The following KCNQ1 variants were observed in gnomAD, a reference collection of about 807,000 sequenced individuals.
KCNQ1 encodes potassium voltage-gated channel subfamily Q member 1.
Under a neutral mutation model 72.4 loss-of-function variants are expected in KCNQ1, and 49 were observed. The ratio of observed to expected loss-of-function variants is 0.68; its 90% CI spans 0.54 to 0.86. The LOEUF (loss-of-function observed/expected upper bound fraction) is 0.86, where lower values mean the gene tolerates loss of function less well. Ranked by LOEUF, KCNQ1 falls within the 40% of genes least tolerant of loss-of-function variation. The pLI, the probability that KCNQ1 is intolerant of heterozygous loss-of-function variation, is 0.00. For missense variants in KCNQ1, 790 were observed against 945.1 expected (o/e 0.84, Z 2.15); for synonymous variants, 450 against 412.6 (o/e 1.09, Z -1.10).
rs1846347847 is a variant in KCNQ1 at position 2,759,099 on chromosome 11, C to A, written c.1515-9745C>A. Among the ~76,000 whole-genome samples the A allele has an allele frequency of 1.6e-5, 2 of 128,172 alleles. No homozygotes were observed. The highest frequency in any genetic ancestry group is 3.2e-5 in the Non-Finnish European group (2 of 62,544). 84.1% of individuals were successfully genotyped at this position (128,172 alleles called of 152,430 possible). A position where few individuals can be genotyped will look rare whatever the true frequency, so the allele number is the denominator to read the frequency against. On this transcript the variant is annotated intron_variant, in intron 11 of 15. Coordinates refer to ENST00000155840, the MANE Select transcript of KCNQ1 (RefSeq NM_000218.3). This position sits in a 1 kb window ranked among gnomAD's most constrained non-coding sequence, Gnocchi z 4.4. ...GAACTCACGTAGAGGGCATACAGGA[C>A]CTCTTGGTACTTTTTTTTTTTTTCC...
intron 6 of KCNQ1, among the ~76,000 whole-genome samples, chr11:2,574,796 G>T (rs1015936335): frequency 6.6e-6 from 1 of 152,238 alleles, no homozygotes; most frequent in Non-Finnish European, 1.5e-5. Context: ...GCAGGGGCAT[G>T]CTGACACAGC....
At chr11:2,465,869 G>C (rs912403869) in intron 1 of KCNQ1, among the ~76,000 whole-genome samples, 2 of 152,234 alleles carry the variant, frequency 1.3e-5, no homozygotes, top group African/African-American at 2.4e-5. Context: ...TTTGGAGCCT[G>C]GCTGGCAGGC....
At position 2,606,892 on chromosome 11, in the gene KCNQ1, A is replaced by ATTTT. The variant is rs869121696; in HGVS notation, c.1393+18063_1393+18066dup. ...ACTGTTAAGTATGATATTATCTGTG[A>ATTTT]TTTTTTTTTTTTTTTTTTTTTTTTT... On this transcript the variant is annotated intron_variant, in intron 10 of 15. Transcript: ENST00000155840. Among the ~76,000 whole-genome samples, 26 of 82,766 alleles carry ATTTT rather than the reference A, an allele frequency of 3.1e-4. 2 individuals carry two copies. The highest frequency in any genetic ancestry group is 1.1e-3 in the African/African-American group (21 of 18,948). The allele number at this position is 82,766 out of a possible 152,430, so 54.3% of individuals were successfully genotyped here. A position where few individuals can be genotyped will look rare whatever the true frequency, so the allele number is the denominator to read the frequency against.
chr11:2,625,859 G>C (rs149306964), intron 10 of KCNQ1: 2 of 398,514 alleles, frequency 5.0e-6, no homozygotes, highest in Admixed American at 4.4e-5. Flanking sequence ...GTGAGCCACC[G>C]TGCCTGGCCC....
chr11:2,787,988 G>A lies in KCNQ1; in HGVS notation c.1794+9951G>A, dbSNP rs187787024. 2.0e-4 allele frequency among the ~76,000 whole-genome samples: 31 copies of A among 152,286 alleles called. No individual in the cohort carries two copies. In the East Asian group the frequency reaches 4.8e-3, roughly 24 times the overall value. On this transcript the variant is annotated intron_variant, in intron 15 of 15. Transcript: ENST00000155840. This position sits in a 1 kb window ranked among gnomAD's most constrained non-coding sequence, Gnocchi z 6.3. ...AGCGCTGCTTTGGACGGGCATGGCC[G>A]TGCGCGCGTGTGGGGAGGTGAGTGT...
Position 2,704,246 on chromosome 11 carries a change from C to T in KCNQ1, c.1514+42165C>T, listed in dbSNP as rs1183350565. Among the ~76,000 whole-genome samples, 1 of 152,236 alleles carries T rather than the reference C, an allele frequency of 6.6e-6. No individual in the cohort carries two copies. The highest frequency in any genetic ancestry group is 2.1e-4 in the South Asian group (1 of 4,836). ...CCCATGTCCTTGTTCCAGAATCTTC[C>T]GCCTCCTGTGGCCTGTGTGTCGCCT... On this transcript the variant is annotated intron_variant, in intron 11 of 15. Transcript: ENST00000155840. This position sits in a 1 kb window ranked among gnomAD's most constrained non-coding sequence, Gnocchi z 4.3.
intron 10 of KCNQ1, chr11:2,640,751 A>T (rs759697747): frequency 5.0e-6 from 2 of 397,762 alleles, no homozygotes; most frequent in Non-Finnish European, 8.9e-6. Flanking sequence ...TAGTCAACCA[A>T]CTCTTATCAA....
chr11:2,614,144 C>T (rs2092135795), intron 10 of KCNQ1: 1 of 398,540 alleles, frequency 2.5e-6, no homozygotes. Flanking sequence ...CTCTGAGATA[C>T]ATCTACTCCA....
chr11:2,503,684 G>A (rs1278310687), intron 1 of KCNQ1, among the ~76,000 whole-genome samples: 1 of 150,272 alleles, frequency 6.7e-6, no homozygotes, highest in Non-Finnish European at 1.5e-5. Context: ...AAAACTTAAA[G>A]TATAATAATA....
rs1267637650 is a variant in KCNQ1, at chr11:2,784,142, C to A, written c.1794+6105C>A. On this transcript the variant is annotated intron_variant, in intron 15 of 15. Transcript: ENST00000155840. This position sits in a 1 kb window ranked among gnomAD's most constrained non-coding sequence, Gnocchi z 4.7. ...AGAAGTTGTATAGAATTAGCTCTTA[C>A]ATTTCGGTCTATATTTACTTTGAGG... is the stretch of plus-strand genomic sequence containing the variant. Among the ~76,000 whole-genome samples the A allele has an allele frequency of 6.6e-6, 1 of 151,860 alleles. No individual in the cohort carries two copies. The highest frequency in any genetic ancestry group is 2.4e-5 in the African/African-American group (1 of 41,418).
intron 10 of KCNQ1, chr11:2,614,022 T>C: frequency 2.5e-6 from 1 of 398,646 alleles, no homozygotes; most frequent in Non-Finnish European, 4.4e-6. Flanking sequence ...AGTTGCATAG[T>C]ATTCCTTAGT....
At chr11:2,524,092 G>A (rs962016558) in intron 1 of KCNQ1, among the ~76,000 whole-genome samples, 8 of 152,140 alleles carry the variant, frequency 5.3e-5, no homozygotes, top group African/African-American at 1.9e-4. Flanking sequence ...GTTGTCCTGG[G>A]TTACCCGGGT....
chr11:2,633,026 T>C, intron 10 of KCNQ1: 1 of 398,512 alleles, frequency 2.5e-6, no homozygotes, highest in Admixed American at 4.4e-5. Flanking sequence ...TAATTTATAG[T>C]CCCACAAATA....
At chr11:2,773,365 A>G (rs1355734147) in intron 12 of KCNQ1, among the ~76,000 whole-genome samples, 2 of 152,210 alleles carry the variant, frequency 1.3e-5, no homozygotes, top group African/African-American at 4.8e-5. Context: ...CCCATCTTAT[A>G]GAAGAGAGAG....
In KCNQ1 at chr11:2,673,685, G is replaced by GT. The variant is rs1232685285; in HGVS notation, c.1514+11607dup. The GT allele has an allele frequency of 2.5e-6, 1 of 398,550 alleles. No individual in the cohort carries two copies. Among genetic ancestry groups the GT allele is most frequent in the Admixed American group, 4.4e-5 (1 of 22,710 alleles). 24.7% of individuals were successfully genotyped at this position (398,550 alleles called of 1,614,324 possible). A position where few individuals can be genotyped will look rare whatever the true frequency, so the allele number is the denominator to read the frequency against. On this transcript the variant is annotated intron_variant, in intron 11 of 15. Coordinates refer to ENST00000155840, the MANE Select transcript of KCNQ1 (RefSeq NM_000218.3). The surrounding 1 kb of genome is among the most constrained non-coding windows in gnomAD (Gnocchi z 4.5). ...TCTGCATAGGTGTTTTCCTATAAAT[G>GT]TTTAATTCCTGAGGTTGCTGAATCT...
intron 8 of KCNQ1, 116 bp from the exon 9 acceptor site, chr11:2,587,454 G>A: frequency 6.8e-7 from 1 of 1,468,410 alleles, no homozygotes; most frequent in Non-Finnish European, 9.4e-7. Flanking sequence ...CCCAGACCCT[G>A]CCACCCAGAG....
intron 15 of KCNQ1, among the ~76,000 whole-genome samples, chr11:2,798,970 G>A (rs1403951525): frequency 6.6e-6 from 1 of 152,148 alleles, no homozygotes; most frequent in African/African-American, 2.4e-5. Flanking sequence ...CGCGTGAAGG[G>A]TACCCACGAG....
In KCNQ1 at chr11:2,663,631, G is replaced by A. The variant is rs112744015; in HGVS notation, c.1514+1550G>A. On this transcript the variant is annotated intron_variant, in intron 11 of 15. Coordinates refer to ENST00000155840, the MANE Select transcript of KCNQ1 (RefSeq NM_000218.3). The surrounding 1 kb of genome is among the most constrained non-coding windows in gnomAD (Gnocchi z 5.2). ...TGGTCACGGACCAGCATCCAGACAT[G>A]CAAAAAGTCCTACTGGGAGGAGAGG... 2,034 of 398,688 alleles carry A rather than the reference G, an allele frequency of 5.1e-3. 30 individuals are homozygous for A. Among genetic ancestry groups the A allele is most frequent in the African/African-American group, 0.036 (1,737 of 48,730 alleles). The allele number at this position is 398,688 out of a possible 1,614,324, so 24.7% of individuals were successfully genotyped here. A position where few individuals can be genotyped will look rare whatever the true frequency, so the allele number is the denominator to read the frequency against.
chr11:2,812,756 C>T (rs888613199), intron 15 of KCNQ1, among the ~76,000 whole-genome samples: 8 of 152,122 alleles, frequency 5.3e-5, no homozygotes, highest in African/African-American at 9.7e-5. Context: ...CCCACGCCCC[C>T]GAGGCCCCAC....
Sources: allele counts gnomAD v4.1 joint callset (sites outside exome capture counted in the v4.1 genomes callset), GRCh38; gene constraint gnomAD v4.1.1; non-coding constraint Gnocchi (gnomAD v3.1); transcripts MANE v1.5; gene names NCBI Gene and HGNC (gene_info 2026-07-23, HGNC 2026-07-21).